Variants in RBFOX1 observed in about 807,000 individuals in gnomAD.
The protein encoded by RBFOX1 is RNA binding protein fox-1 homolog 1.
Under a neutral mutation model 57.7 loss-of-function variants are expected in RBFOX1, and 8 were observed. The ratio of observed to expected loss-of-function variants is 0.14; its 90% CI spans 0.08 to 0.25. The LOEUF (loss-of-function observed/expected upper bound fraction) is 0.25, where lower values mean the gene tolerates loss of function less well. Ranked by LOEUF, RBFOX1 falls within the 10% of genes least tolerant of loss-of-function variation. The pLI is 1.00. For missense variants in RBFOX1, 611 were observed against 548.5 expected (o/e 1.11, Z -1.14); for synonymous variants, 326 against 222.4 (o/e 1.47, Z -4.15).
In RBFOX1 at chr16:5,363,860, T is replaced by G. The variant is rs540912514; in HGVS notation, c.220-103356T>G. Among the ~76,000 whole-genome samples the G allele has an allele frequency of 5.3e-5, 8 of 152,318 alleles. No individual in the cohort carries two copies. The South Asian group carries it at 1.7e-3, about 32-fold the overall frequency. Reference sequence around the variant, plus strand: ...TCTAGAGTGCATGGCTGTTCCTGTCTATTCATTTTTCTGCCTAGGCGTTTG... The same window carrying G: ...TCTAGAGTGCATGGCTGTTCCTGTCGATTCATTTTTCTGCCTAGGCGTTTG... On this transcript the variant is annotated intron_variant, in intron 1 of 2. Coordinates refer to the RBFOX1 transcript ENST00000585867.
chr16:6,798,853 C>G (rs1048414164), intron 3 of RBFOX1, among the ~76,000 whole-genome samples: 9 of 152,048 alleles, frequency 5.9e-5, no homozygotes, highest in African/African-American at 2.2e-4. Flanking sequence ...GAGTGTAATT[C>G]AATCTGCAGT....
chr16:6,806,741 T>C (rs1567330330), intron 3 of RBFOX1, among the ~76,000 whole-genome samples: 1 of 147,430 alleles, frequency 6.8e-6, no homozygotes, highest in Non-Finnish European at 1.5e-5. Context: ...TTCTGTTTTT[T>C]CTCCCTTTCT....
intron 10 of RBFOX1, among the ~76,000 whole-genome samples, chr16:7,612,261 C>G (rs1313022036): frequency 7.1e-6 from 1 of 141,560 alleles, no homozygotes; most frequent in Non-Finnish European, 1.5e-5. Context: ...GCGGAGCTTG[C>G]AGTGAGCCCA....
At chr16:6,813,574 C>A (rs555821221) in intron 3 of RBFOX1, among the ~76,000 whole-genome samples, 2 of 152,266 alleles carry the variant, frequency 1.3e-5, no homozygotes, top group East Asian at 1.9e-4. Flanking sequence ...GTGTCTCTTT[C>A]ATCTTCTGCA....
intron 1 of RBFOX1, among the ~76,000 whole-genome samples, chr16:5,460,852 C>T (rs1036408600): frequency 2.6e-5 from 4 of 152,092 alleles, no homozygotes; most frequent in African/African-American, 7.2e-5. Context: ...ATTGCAGGAG[C>T]GGAGCACATC....
At chr16:5,556,202 C>T (rs1032298573) in intron 2 of RBFOX1, among the ~76,000 whole-genome samples, 2 of 152,204 alleles carry the variant, frequency 1.3e-5, no homozygotes, top group African/African-American at 4.8e-5. Flanking sequence ...ATTCGGTCTG[C>T]AGAGGAGCCT....
intron 4 of RBFOX1, among the ~76,000 whole-genome samples, chr16:7,125,237 G>A (rs904861643): frequency 6.6e-6 from 1 of 152,196 alleles, no homozygotes; most frequent in Non-Finnish European, 1.5e-5. Context: ...ATTTAGCAGA[G>A]ATAGAACTTT....
chr16:6,083,490 T>G (rs2096039737), intron 1 of RBFOX1, among the ~76,000 whole-genome samples: 1 of 152,104 alleles, frequency 6.6e-6, no homozygotes, highest in Non-Finnish European at 1.5e-5. Flanking sequence ...TTGGTTTTGG[T>G]TTTTGAGATA....
intron 3 of RBFOX1, among the ~76,000 whole-genome samples, chr16:6,885,379 T>A (rs555488994): frequency 2.0e-5 from 3 of 152,282 alleles, no homozygotes; most frequent in South Asian, 2.1e-4. Context: ...TGCCGAAGCA[T>A]GCTCATGAGT....
chr16:7,649,383 G>A (rs1250615824), intron 11 of RBFOX1, among the ~76,000 whole-genome samples: 1 of 152,200 alleles, frequency 6.6e-6, no homozygotes, highest in African/African-American at 2.4e-5. Flanking sequence ...CCTAAAGTCT[G>A]GGTCTGTTTA....
rs1232211068 is a variant in RBFOX1 at position 5,424,916 on chromosome 16, T to TCTCTC, written c.220-42300_220-42299insCTCTC. On this transcript the variant is annotated intron_variant, in intron 1 of 2. Coordinates refer to the RBFOX1 transcript ENST00000585867. Reference sequence around the variant, plus strand: ...CTTTCTTTCTTTCTTTCTTTCTTTCTTTCTTTCTTTCTTTCTTTCTCTCTC... The same window carrying TCTCTC: ...CTTTCTTTCTTTCTTTCTTTCTTTCTCTCTCTTCTTTCTTTCTTTCTTTCTCTCTC... Among the ~76,000 whole-genome samples the TCTCTC allele has an allele frequency of 5.8e-4, 72 of 123,638 alleles. 2 individuals carry two copies. Among genetic ancestry groups the TCTCTC allele is most frequent in the Non-Finnish European group, 7.2e-4 (44 of 61,134 alleles). 81.1% of individuals were successfully genotyped at this position (123,638 alleles called of 152,430 possible).
At chr16:7,656,099 A>G (rs35264894) in intron 12 of RBFOX1, among the ~76,000 whole-genome samples, 5,637 of 152,304 alleles carry the variant, frequency 0.037, 202 homozygotes, top group Non-Finnish European at 0.051. Flanking sequence ...CTTGCTGATA[A>G]TAGTATGGCT....
chr16:6,505,020 C>T (rs2096054153), intron 2 of RBFOX1, among the ~76,000 whole-genome samples: 1 of 152,096 alleles, frequency 6.6e-6, no homozygotes, highest in Non-Finnish European at 1.5e-5. Flanking sequence ...TTGCAGTGAG[C>T]CAAGATTGTG....
intron 3 of RBFOX1, among the ~76,000 whole-genome samples, chr16:6,831,382 T>C (rs2092698392): frequency 6.6e-6 from 1 of 152,220 alleles, no homozygotes; most frequent in African/African-American, 2.4e-5. Context: ...AGTTAACATA[T>C]TTTAGTTGTG....
At chr16:6,955,543 T>C (rs1247486394) in intron 3 of RBFOX1, among the ~76,000 whole-genome samples, 1 of 152,202 alleles carries the variant, frequency 6.6e-6, no homozygotes, top group Non-Finnish European at 1.5e-5. Flanking sequence ...CAAAGGGCAG[T>C]TTTACTCTTC....
intron 7 of RBFOX1, among the ~76,000 whole-genome samples, chr16:7,591,662 G>A (rs1282553201): frequency 6.6e-6 from 1 of 152,262 alleles, no homozygotes; most frequent in African/African-American, 2.4e-5. Flanking sequence ...ACTCTGGGAA[G>A]GTGTGTCTCT....
intron 2 of RBFOX1, among the ~76,000 whole-genome samples, chr16:5,593,728 A>G (rs2047088833): frequency 6.6e-6 from 1 of 152,184 alleles, no homozygotes; most frequent in South Asian, 2.1e-4. Flanking sequence ...AACCATAAAA[A>G]TGGGCAACCA....
chr16:5,705,711 A>G (rs2051220045), intron 3 of RBFOX1, among the ~76,000 whole-genome samples: 1 of 152,168 alleles, frequency 6.6e-6, no homozygotes, highest in Non-Finnish European at 1.5e-5. Flanking sequence ...TCATCCTAAC[A>G]AGGGGATTAT....
chr16:5,325,484 G>A (rs900470554), intron 1 of RBFOX1, among the ~76,000 whole-genome samples: 25 of 151,930 alleles, frequency 1.6e-4, no homozygotes, highest in South Asian at 6.3e-4. Context: ...TTGGATGTAC[G>A]GTTCTATGAA....
Sources: gnomAD v4.1 joint callset for allele counts (sites outside exome capture counted in the v4.1 genomes callset) on GRCh38, gnomAD v4.1.1 for gene constraint, MANE v1.5 for transcripts, NCBI Gene and HGNC (gene_info 2026-07-23, HGNC 2026-07-21) for gene names.